Variants in ARL6IP6 observed in about 807,000 individuals in gnomAD.
ARL6IP6 encodes ARF like GTPase 6 interacting protein 6.
ARL6IP6 carries 22 observed loss-of-function variants against 21.5 expected under a neutral mutation model. That is an observed-to-expected ratio of 1.02 (90% confidence interval 0.73 to 1.46). The LOEUF is 1.46. ARL6IP6 is among the 40% of genes most tolerant of loss of function. The pLI is 0.00. For missense variants in ARL6IP6, 388 were observed against 299.8 expected (o/e 1.29, Z -2.17); for synonymous variants, 164 against 125.3 (o/e 1.31, Z -2.06).
At chr2:152,756,526 A>T (rs994554890) in intron 3 of ARL6IP6, among the ~76,000 whole-genome samples, 2 of 152,158 alleles carry the variant, frequency 1.3e-5, no homozygotes, top group Non-Finnish European at 2.9e-5. Flanking sequence ...TAAGAGAGTA[A>T]AAAAAGACAC....
In ARL6IP6 at chr2:152,718,848, C is replaced by T; in HGVS notation, c.224C>T (p.Pro75Leu). Residue 75 changes from proline (P) to leucine (L), a missense_variant, in exon 1 of 4, where the codon CCG becomes CTG. Pro to Leu is a moderately conservative substitution (Grantham distance 98, BLOSUM62 -3). Transcript: ENST00000326446. ...SEPRKRSVLPPDGNGSPVLPD... is the reference protein window; with the variant it reads ...SEPRKRSVLPLDGNGSPVLPD... ...CCCAGAAAGCGCTCGGTGCTCCCGCCGGACGGGAACGGGTCGCCCGTTCTG... is the reference window on the plus strand; with the variant it reads ...CCCAGAAAGCGCTCGGTGCTCCCGCTGGACGGGAACGGGTCGCCCGTTCTG... 2 of 1,612,320 alleles carry T rather than the reference C, an allele frequency of 1.2e-6. No individual in the cohort carries two copies. The highest frequency in any genetic ancestry group is 8.5e-7 in the Non-Finnish European group (1 of 1,179,008).
chr2:152,723,551 A>G (rs988227300), intron 2 of ARL6IP6, among the ~76,000 whole-genome samples: 6 of 152,256 alleles, frequency 3.9e-5, no homozygotes, highest in African/African-American at 1.4e-4. Context: ...ACGTGAGCAC[A>G]GTAACTGCTC....
intron 2 of ARL6IP6, among the ~76,000 whole-genome samples, chr2:152,727,443 C>T (rs181433998): frequency 3.9e-5 from 6 of 152,152 alleles, no homozygotes; most frequent in South Asian, 2.1e-4. Context: ...TTTAATTTAG[C>T]GTAACCTAAG....
intron 3 of ARL6IP6, among the ~76,000 whole-genome samples, chr2:152,741,487 A>G (rs1485136997): frequency 6.6e-6 from 1 of 151,610 alleles, no homozygotes; most frequent in Admixed American, 6.6e-5. Context: ...TTCCTTAGAA[A>G]CAAACCCCTC....
intron 2 of ARL6IP6, among the ~76,000 whole-genome samples, chr2:152,729,361 T>TGTGTGTGTAC (rs1346014341): frequency 6.9e-6 from 1 of 145,776 alleles, no homozygotes; most frequent in Non-Finnish European, 1.5e-5. Context: ...TGTGTGTGTG[T>TGTGTGTGTAC]ACACACATAT....
chr2:152,741,949 T>G (rs1185649885), intron 3 of ARL6IP6, among the ~76,000 whole-genome samples: 1 of 152,222 alleles, frequency 6.6e-6, no homozygotes, highest in Non-Finnish European at 1.5e-5. Flanking sequence ...GTTAACAGTG[T>G]TAAAGAACAA....
rs553093795 is a variant in ARL6IP6 at position 152,738,256 on chromosome 2, C to T, written c.587+3130C>T. Among the ~76,000 whole-genome samples, 4 of 152,352 alleles carry T rather than the reference C, an allele frequency of 2.6e-5. No homozygotes were observed. The South Asian group carries it at 6.2e-4, about 24-fold the overall frequency. ...TGGCTTTGCAGGGTACAGCCTCCCT[C>T]CTGGCTGCTTTCACAGGCTGGCATT... On this transcript the variant is annotated intron_variant, in intron 3 of 3. Transcript: ENST00000326446.
intron 3 of ARL6IP6, among the ~76,000 whole-genome samples, chr2:152,739,308 CCCAAGT>C (rs1266932159): frequency 6.6e-6 from 1 of 152,158 alleles, no homozygotes; most frequent in African/African-American, 2.4e-5. Context: ...TTTAAGAGCA[CCCAAGT>C]CAACTCTTGA....
chr2:152,731,113 A>T (rs1700289732), intron 2 of ARL6IP6, among the ~76,000 whole-genome samples: 1 of 152,138 alleles, frequency 6.6e-6, no homozygotes, highest in South Asian at 2.1e-4. Context: ...CCTATCCCTG[A>T]TTATATCTGT....
chr2:152,757,135 T>C (rs1701628844), intron 3 of ARL6IP6, among the ~76,000 whole-genome samples: 1 of 151,974 alleles, frequency 6.6e-6, no homozygotes, highest in African/African-American at 2.4e-5. Context: ...CGCAGAAAAA[T>C]ATTTATTGTA....
At position 152,719,054 on chromosome 2, in the gene ARL6IP6, C is replaced by G. The variant is rs1057214134; in HGVS notation, c.400+30C>G. The G allele has an allele frequency of 4.7e-6, 7 of 1,495,612 alleles. No homozygotes were observed. The African/African-American group carries it at 9.8e-5, about 21-fold the overall frequency. 92.6% of individuals were successfully genotyped at this position (1,495,612 alleles called of 1,614,324 possible). ...TGAAGCCGACGCCTTGAAAGTCTGT[C>G]CAGAGTAAAGTTGAGCCAGGGTGTG... On this transcript the variant is annotated intron_variant, in intron 1 of 3. Coordinates refer to ENST00000326446, the MANE Select transcript of ARL6IP6 (RefSeq NM_152522.7).
At chr2:152,746,014 T>C (rs1701029792) in intron 3 of ARL6IP6, among the ~76,000 whole-genome samples, 1 of 69,214 alleles carries the variant, frequency 1.4e-5, no homozygotes, top group South Asian at 7.1e-4. Flanking sequence ...TTTTTTTTTT[T>C]TTTTTTTTTT....
chr2:152,730,050 G>C (rs888122448), intron 2 of ARL6IP6, among the ~76,000 whole-genome samples: 5 of 152,058 alleles, frequency 3.3e-5, no homozygotes, highest in African/African-American at 4.8e-5. Flanking sequence ...AACACTTCTA[G>C]ACCACAATAT....
chr2:152,737,051 C>T (rs1254406204), intron 3 of ARL6IP6, among the ~76,000 whole-genome samples: 4 of 152,162 alleles, frequency 2.6e-5, no homozygotes, highest in Admixed American at 2.6e-4. Flanking sequence ...AGTAGCTTTC[C>T]TGTTGCCTTC....
At chr2:152,732,541 T>C in intron 2 of ARL6IP6, 1 of 461,050 alleles carries the variant, frequency 2.2e-6, no homozygotes, top group Non-Finnish European at 4.5e-6. Context: ...GAATTATCTG[T>C]ATTAGCAGGA....
At chr2:152,725,856 T>C (rs755823620) in intron 2 of ARL6IP6, among the ~76,000 whole-genome samples, 4 of 152,224 alleles carry the variant, frequency 2.6e-5, no homozygotes, top group Non-Finnish European at 4.4e-5. Flanking sequence ...ATTTATTTCT[T>C]ATGAAAATTT....
At chr2:152,752,532 GATTT>G (rs1306666490) in intron 3 of ARL6IP6, among the ~76,000 whole-genome samples, 1 of 152,196 alleles carries the variant, frequency 6.6e-6, no homozygotes, top group African/African-American at 2.4e-5. Context: ...CGACAGCAGG[GATTT>G]ATTAAAGTGA....
At position 152,718,821 on chromosome 2, in the gene ARL6IP6, A is replaced by G. The variant is rs1244076185; in HGVS notation, c.197A>G (p.Glu66Gly). The change falls in exon 1 of 4, where the codon GAG becomes GGG. Residue 66 changes from glutamate to glycine, a missense_variant. Coordinates refer to ENST00000326446, the MANE Select transcript of ARL6IP6 (RefSeq NM_152522.7). ...GAGTTCTCGGCTGGGGCGTGGTCAG[A>G]GCCCAGAAAGCGCTCGGTGCTCCCG... ...RAEFSAGAWS[E>G]PRKRSVLPPD... 1 of 1,609,104 alleles carries G rather than the reference A, an allele frequency of 6.2e-7. No homozygotes were observed.
At chr2:152,737,107 A>G (rs1700588056) in intron 3 of ARL6IP6, among the ~76,000 whole-genome samples, 1 of 152,142 alleles carries the variant, frequency 6.6e-6, no homozygotes, top group South Asian at 2.1e-4. Flanking sequence ...TCCTTCCCCA[A>G]ATGACCCTAC....
Sources: allele counts gnomAD v4.1 joint callset (sites outside exome capture counted in the v4.1 genomes callset), GRCh38; gene constraint gnomAD v4.1.1; transcripts MANE v1.5; gene names NCBI Gene and HGNC (gene_info 2026-07-23, HGNC 2026-07-21).